Variants in NUP160 observed in about 807,000 individuals in gnomAD.
The protein encoded by NUP160 is nuclear pore complex protein Nup160.
NUP160 carries 94 observed loss-of-function variants against 196.9 expected under a neutral mutation model. That is an observed-to-expected ratio of 0.48 (90% confidence interval 0.40 to 0.57). The LOEUF (loss-of-function observed/expected upper bound fraction) is 0.57, where lower values mean the gene tolerates loss of function less well. Ranked by LOEUF, NUP160 falls within the 20% of genes least tolerant of loss-of-function variation. The probability of loss-of-function intolerance (pLI) is 0.00; values close to 1 mark genes in which losing one functional copy is unlikely to be tolerated. For missense variants in NUP160, 1,638 were observed against 1,748.3 expected (o/e 0.94, Z 1.13); for synonymous variants, 605 against 619.7 (o/e 0.98, Z 0.35).
At chr11:47,838,808 A>G (rs1422456667) in intron 4 of NUP160, among the ~76,000 whole-genome samples, 1 of 152,144 alleles carries the variant, frequency 6.6e-6, no homozygotes, top group Non-Finnish European at 1.5e-5. Flanking sequence ...GTTCGAGACC[A>G]GCCTGGCTAA....
chr11:47,783,257 C>CAAA, intron 33 of NUP160, 59 bp from the exon 34 acceptor site: 1 of 1,558,566 alleles, frequency 6.4e-7, no homozygotes, highest in Non-Finnish European at 8.7e-7. Flanking sequence ...GAGTACTGAC[C>CAAA]AAAGAATGTT....
intron 29 of NUP160, among the ~76,000 whole-genome samples, chr11:47,790,175 A>G (rs779039729): frequency 6.6e-6 from 1 of 151,198 alleles, no homozygotes; most frequent in Non-Finnish European, 1.5e-5. Context: ...AAAACTCCCA[A>G]CCTCAGGTGA....
At chr11:47,847,077 A>G (rs1320813613) in intron 2 of NUP160, among the ~76,000 whole-genome samples, 1 of 151,976 alleles carries the variant, frequency 6.6e-6, no homozygotes, top group East Asian at 1.9e-4. Context: ...AGTCCTGCCT[A>G]CCTCTCCAGC....
At chr11:47,828,566 T>C (rs1285331187) in intron 7 of NUP160, among the ~76,000 whole-genome samples, 2 of 150,144 alleles carry the variant, frequency 1.3e-5, no homozygotes, top group Non-Finnish European at 3.0e-5. Context: ...GCTAACTTCT[T>C]TGTAGAAACT....
intron 7 of NUP160, among the ~76,000 whole-genome samples, chr11:47,826,404 T>A (rs1359809702): frequency 6.6e-6 from 1 of 152,200 alleles, no homozygotes; most frequent in Non-Finnish European, 1.5e-5. Context: ...ATCATAATGC[T>A]CAAAACAAAG....
chr11:47,839,615 T>G, intron 4 of NUP160: 2 of 516,140 alleles, frequency 3.9e-6, no homozygotes, highest in Admixed American at 3.4e-5. Context: ...AGATTTAGAA[T>G]AGGCTGTCTT....
At chr11:47,818,501 TGTAAAAGA>T (rs1468481224) in intron 10 of NUP160, among the ~76,000 whole-genome samples, 5 of 152,014 alleles carry the variant, frequency 3.3e-5, no homozygotes, top group Middle Eastern at 3.4e-3. Flanking sequence ...ATGACTCACA[TGTAAAAGA>T]AATGGAACCA....
At chr11:47,792,268 A>C (rs79368019) in intron 28 of NUP160, 63,177 of 341,340 alleles carry the variant, frequency 0.19, 7,075 homozygotes, top group East Asian at 0.38. Flanking sequence ...AGTTATATAT[A>C]ACAGAAACAG....
rs79186757 is a variant in NUP160, at chr11:47,836,563, T to C, written c.942+324A>G. 8.1e-4 allele frequency among the ~76,000 whole-genome samples: 123 copies of C among 152,088 alleles called. No individual in the cohort carries two copies. In the East Asian group the frequency reaches 0.022, roughly 28 times the overall value. ...GGGAGGCAGAGGCTGCAGTGAGCTA[T>C]ATTCATGCCACTGTACTCCAGCCTG... On this transcript the variant is annotated intron_variant, in intron 6 of 35. Coordinates refer to ENST00000378460, the Ensembl canonical transcript of NUP160.
rs539386862 is a variant in NUP160, at chr11:47,848,254, G to C, written c.167C>G (p.Pro56Arg). The C allele has an allele frequency of 1.7e-5, 28 of 1,614,118 alleles. No individual in the cohort carries two copies. The East Asian group carries it at 4.2e-4, about 24-fold the overall frequency. The change falls in exon 1 of 36, where the codon CCG becomes CGG. Residue 56 changes from proline to arginine, a missense_variant. Coordinates refer to ENST00000378460, the Ensembl canonical transcript of NUP160. ...GACTGTGAATTCCCGAAAGTGCCTCGGCCTTTCGCGCTCAGCTCCGCTTAG... is the reference window on the plus strand; with the variant it reads ...GACTGTGAATTCCCGAAAGTGCCTCCGCCTTTCGCGCTCAGCTCCGCTTAG...
intron 2 of NUP160, among the ~76,000 whole-genome samples, chr11:47,846,091 G>A (rs1288075466): frequency 1.3e-5 from 2 of 149,676 alleles, no homozygotes; most frequent in Non-Finnish European, 3.0e-5. Flanking sequence ...AGCCATAATT[G>A]CACCAATGCA....
chr11:47,796,418 G>A, intron 27 of NUP160: 1 of 334,508 alleles, frequency 3.0e-6, no homozygotes. Flanking sequence ...AATAACTGAT[G>A]ACATTAAAAA....
rs184641626 is a variant in NUP160, at chr11:47,802,079, T to C, written c.2776-149A>G. 326 of 649,548 alleles carry C rather than the reference T, an allele frequency of 5.0e-4. 2 individuals are homozygous for C. In the East Asian group the frequency reaches 8.0e-3, roughly 16 times the overall value. The allele number at this position is 649,548 out of a possible 1,614,324, so 40.2% of individuals were successfully genotyped here. ...ATGTATAGTTTCTGACACATATGAA[T>C]TCTATGTGATGCATTCATATTTTTA... On this transcript the variant is annotated intron_variant, in intron 22 of 35. Coordinates refer to ENST00000378460, the Ensembl canonical transcript of NUP160.
At chr11:47,816,976 G>GTTT (rs371077064) in intron 11 of NUP160, among the ~76,000 whole-genome samples, 12 of 136,542 alleles carry the variant, frequency 8.8e-5, no homozygotes, top group Non-Finnish European at 9.4e-5. Flanking sequence ...AATCCTTTCA[G>GTTT]TTTTTTTTTT....
At position 47,806,788 on chromosome 11, in the gene NUP160, TATACACACACACACACACAC is replaced by T. The variant is rs1306731803; in HGVS notation, c.2446+262_2446+281del. Among the ~76,000 whole-genome samples, 28 of 106,496 alleles carry T rather than the reference TATACACACACACACACACAC, an allele frequency of 2.6e-4. 1 individual carries two copies. Among genetic ancestry groups the T allele is most frequent in the East Asian group, 1.3e-3 (4 of 3,152 alleles). 69.9% of individuals were successfully genotyped at this position (106,496 alleles called of 152,430 possible). A position where few individuals can be genotyped will look rare whatever the true frequency, so the allele number is the denominator to read the frequency against. On this transcript the variant is annotated intron_variant, in intron 19 of 35. Coordinates refer to ENST00000378460, the Ensembl canonical transcript of NUP160. ...CATCAAAACAGAATGGGAAAGCAGC[TATACACACACACACACACAC>T]ACACACACACACACACACACACACA...
At chr11:47,843,652 A>G (rs1026367820) in intron 2 of NUP160, among the ~76,000 whole-genome samples, 1 of 152,212 alleles carries the variant, frequency 6.6e-6, no homozygotes, top group South Asian at 2.1e-4. Context: ...TAGATGTGCT[A>G]TTGCTATGCA....
At chr11:47,802,057 T>C in intron 22 of NUP160, 127 bp from the exon 23 acceptor site, 1 of 790,404 alleles carries the variant, frequency 1.3e-6, no homozygotes, top group Non-Finnish European at 2.0e-6. Context: ...CTACTCTATG[T>C]ATAGTTTCTG....
rs528487653 is a variant in NUP160, at chr11:47,796,216, C to T, written c.3289+1563G>A. 8.2e-5 allele frequency: 42 copies of T among 509,112 alleles called. 1 individual carries two copies. The highest frequency in any genetic ancestry group is 1.4e-4 in the Non-Finnish European group (38 of 281,206). 31.5% of individuals were successfully genotyped at this position (509,112 alleles called of 1,614,324 possible). On this transcript the variant is annotated intron_variant, in intron 27 of 35. Coordinates refer to ENST00000378460, the Ensembl canonical transcript of NUP160. ...CCAGACACCAGGAAGGTGAGATCTT[C>T]CACACAGAAAAAGAGAAATACGAGA...
chr11:47,796,912 C>T (rs573757570), intron 27 of NUP160, among the ~76,000 whole-genome samples: 8 of 152,248 alleles, frequency 5.3e-5, no homozygotes, highest in Admixed American at 4.6e-4. Flanking sequence ...AGGCTGGTCT[C>T]GAACTCCTGA....
Sources: gnomAD v4.1 joint callset for allele counts (sites outside exome capture counted in the v4.1 genomes callset) on GRCh38, gnomAD v4.1.1 for gene constraint, MANE v1.5 for transcripts, NCBI Gene and HGNC (gene_info 2026-07-23, HGNC 2026-07-21) for gene names.